The following FAM171B variants were observed in gnomAD, a reference collection of about 807,000 sequenced individuals.
The protein encoded by FAM171B is protein FAM171B.
In FAM171B, 19 loss-of-function variants were observed where a neutral mutation model predicts 75.6. The observed-to-expected ratio is 0.25, with a 90% CI of 0.18 to 0.37. The LOEUF (loss-of-function observed/expected upper bound fraction) is 0.37, where lower values mean the gene tolerates loss of function less well. Ranked by LOEUF, FAM171B falls within the 10% of genes least tolerant of loss-of-function variation. The probability of loss-of-function intolerance (pLI) is 1.00; values close to 1 mark genes in which losing one functional copy is unlikely to be tolerated. For synonymous variants in FAM171B, 367 were observed against 361.7 expected (o/e 1.01, Z -0.17); for missense variants, 848 against 982.4 (o/e 0.86, Z 1.83).
chr2:186,714,243 A>T (rs1689846560), intron 1 of FAM171B, among the ~76,000 whole-genome samples: 1 of 152,156 alleles, frequency 6.6e-6, no homozygotes, highest in Non-Finnish European at 1.5e-5. Flanking sequence ...GGATTGATTA[A>T]TATATTGATT....
chr2:186,762,752 C>T lies in FAM171B; in HGVS notation c.2410C>T (p.Leu804=). 2 of 1,613,336 alleles carry T rather than the reference C, an allele frequency of 1.2e-6. No individual in the cohort carries two copies. Among genetic ancestry groups the T allele is most frequent in the Non-Finnish European group, 1.7e-6 (2 of 1,179,602 alleles). The change falls in exon 8 of 8, where the codon CTA becomes TTA. Residue 804 remains leucine (L), a synonymous_variant. Transcript: ENST00000304698. This position sits in a 1 kb window ranked among gnomAD's most constrained non-coding sequence, Gnocchi z 4.0. ...CACTAAAAGAAGGGGCAGACCACCA[C>T]TAGCCAAAAGAGATAGCAAGACTAA... The part of the protein sequence containing the change: ...SPTKRRGRPP[L]AKRDSKTNIW...
intron 2 of FAM171B, among the ~76,000 whole-genome samples, chr2:186,741,835 TAAAATATTAAATAC>T (rs1690292494): frequency 6.6e-6 from 1 of 151,446 alleles, no homozygotes; most frequent in Non-Finnish European, 1.5e-5. Context: ...AAACGTATGT[TAAAATATTAAATAC>T]AGTGGACAGG....
intron 1 of FAM171B, among the ~76,000 whole-genome samples, chr2:186,735,153 TGCAGCTG>T (rs1478505845): frequency 6.6e-6 from 1 of 152,214 alleles, no homozygotes. Flanking sequence ...CCTCCCCTGC[TGCAGCTG>T]GCATCCTCAC....
chr2:186,748,222 C>T (rs1231072884), intron 4 of FAM171B, among the ~76,000 whole-genome samples: 1 of 152,128 alleles, frequency 6.6e-6, no homozygotes, highest in Non-Finnish European at 1.5e-5. Context: ...CTCGCCAGGC[C>T]TGTTCTACCA....
chr2:186,707,920 A>C (rs1015367872), intron 1 of FAM171B, among the ~76,000 whole-genome samples: 1 of 151,022 alleles, frequency 6.6e-6, no homozygotes, highest in Non-Finnish European at 1.5e-5. Flanking sequence ...GGCATCTCCT[A>C]CTTGTGAAAG....
At chr2:186,727,150 G>A (rs1418256226) in intron 1 of FAM171B, among the ~76,000 whole-genome samples, 1 of 151,996 alleles carries the variant, frequency 6.6e-6, no homozygotes. Flanking sequence ...TGGCTGAGTT[G>A]GAAATAATAG....
At position 186,761,957 on chromosome 2, in the gene FAM171B, A is replaced by G. The variant is rs1479334940; in HGVS notation, c.1615A>G (p.Ile539Val). The G allele has an allele frequency of 3.1e-6, 5 of 1,613,346 alleles. No individual in the cohort carries two copies. In the African/African-American group the frequency reaches 6.7e-5, roughly 22 times the overall value. ...GCTTATGCATATTTACAGCCAACCC[A>G]TTGCCATCCTTCAAACATCTGACCT... Reference protein sequence around the residue: ...EQLMHIYSQPIAILQTSDLFS... With the variant: ...EQLMHIYSQPVAILQTSDLFS... The change falls in exon 8 of 8, where the codon ATT becomes GTT. Residue 539 changes from isoleucine to valine, a missense_variant. By Grantham distance (29) the Ile-to-Val change is conservative. Coordinates refer to ENST00000304698, the MANE Select transcript of FAM171B (RefSeq NM_177454.4).
chr2:186,727,075 A>G (rs1312736581), intron 1 of FAM171B, among the ~76,000 whole-genome samples: 1 of 141,590 alleles, frequency 7.1e-6, no homozygotes, highest in Admixed American at 7.2e-5. Context: ...CTCTCCCCCC[A>G]CCCCCTTCAT....
At chr2:186,699,771 C>A (rs1054167222) in intron 1 of FAM171B, among the ~76,000 whole-genome samples, 3 of 152,086 alleles carry the variant, frequency 2.0e-5, no homozygotes, top group Non-Finnish European at 2.9e-5. Context: ...AGATTTAAAT[C>A]TTTAATCCAT....
chr2:186,695,861 C>CCAATAT (rs1479176852), intron 1 of FAM171B, among the ~76,000 whole-genome samples: 4 of 152,104 alleles, frequency 2.6e-5, no homozygotes, highest in Non-Finnish European at 1.5e-5. Flanking sequence ...GATTGATTGG[C>CCAATAT]CTCATTAATA....
At chr2:186,719,242 C>G (rs141190334) in intron 1 of FAM171B, among the ~76,000 whole-genome samples, 4 of 152,268 alleles carry the variant, frequency 2.6e-5, no homozygotes, top group Non-Finnish European at 5.9e-5. Context: ...GGTTTCAAAC[C>G]CTTTCTAAAA....
chr2:186,704,603 TGTTA>T (rs1238160245), intron 1 of FAM171B, among the ~76,000 whole-genome samples: 4 of 152,166 alleles, frequency 2.6e-5, no homozygotes, highest in Non-Finnish European at 4.4e-5. Context: ...CTCATAAAAC[TGTTA>T]GTTAAAGATA....
Position 186,762,295 on chromosome 2 carries a change from A to C in FAM171B, c.1953A>C (p.Gln651His). 1 of 1,613,748 alleles carries C rather than the reference A, an allele frequency of 6.2e-7. No individual in the cohort carries two copies. The highest frequency in any genetic ancestry group is 8.5e-7 in the Non-Finnish European group (1 of 1,179,804). Residue 651 changes from glutamine to histidine, a missense_variant, in exon 8 of 8, where the codon CAA becomes CAC. By Grantham distance (24) the Gln-to-His change is conservative. Transcript: ENST00000304698. This position sits in a 1 kb window ranked among gnomAD's most constrained non-coding sequence, Gnocchi z 4.0. ...VVMTPFSSEL[Q>H]GISEQTLLEL... is the part of the protein sequence containing the mutation. ...TGACTCCATTTTCATCGGAACTTCA[A>C]GGAATTTCAGAACAGACCCTCCTGG... is the stretch of plus-strand genomic sequence containing the variant.
At chr2:186,734,597 A>T (rs1264170591) in intron 1 of FAM171B, among the ~76,000 whole-genome samples, 2 of 152,056 alleles carry the variant, frequency 1.3e-5, no homozygotes, top group African/African-American at 4.8e-5. Flanking sequence ...CAGGGTTTTT[A>T]TGGGCTTCAG....
Position 186,694,320 on chromosome 2 carries a change from G to GCAGCAGCAGCAA in FAM171B, c.149_150insGCAGCAGCAACA (p.Gln53_Gln56dup). 3 of 1,570,028 alleles carry GCAGCAGCAGCAA rather than the reference G, an allele frequency of 1.9e-6. No homozygotes were observed. Among genetic ancestry groups the GCAGCAGCAGCAA allele is most frequent in the Admixed American group, 3.5e-5 (2 of 57,502 alleles). ...TCATCCAACAGCAGCAGCAGCAGCA[G>GCAGCAGCAGCAA]CAACAACAACAACAACAGCAAAAGC... On this transcript the variant is annotated inframe_insertion, in exon 1 of 8. Transcript: ENST00000304698.
rs1487969996 is a variant in FAM171B, at chr2:186,721,721, T to A, written c.239-18507T>A. ...TAAAGGCTACTAATTTATTTGTGTC[T>A]CTCTCAGTGCCTAGTACAGATCTTG... On this transcript the variant is annotated intron_variant, in intron 1 of 7. Transcript: ENST00000304698. 2.6e-5 allele frequency among the ~76,000 whole-genome samples: 4 copies of A among 152,290 alleles called. No homozygotes were observed. In the East Asian group the frequency reaches 5.8e-4, roughly 22 times the overall value.
chr2:186,709,569 A>G (rs1689782085), intron 1 of FAM171B, among the ~76,000 whole-genome samples: 1 of 152,162 alleles, frequency 6.6e-6, no homozygotes. Flanking sequence ...CCCTGCCACA[A>G]AAACAGTGGG....
chr2:186,723,830 G>A (rs954658149), intron 1 of FAM171B, among the ~76,000 whole-genome samples: 7 of 152,120 alleles, frequency 4.6e-5, no homozygotes, highest in Non-Finnish European at 1.0e-4. Flanking sequence ...TCACACATTT[G>A]CATCTCTCCT....
intron 1 of FAM171B, 31 bp downstream of exon 1, chr2:186,694,442 A>G (rs760343403): frequency 1.3e-6 from 2 of 1,593,348 alleles, no homozygotes; most frequent in Non-Finnish European, 1.7e-6. Context: ...CCGGTCTTTC[A>G]GTCTCGGCCG....
Sources: gnomAD v4.1 joint callset for allele counts (sites outside exome capture counted in the v4.1 genomes callset) on GRCh38, gnomAD v4.1.1 for gene constraint, Gnocchi (gnomAD v3.1) non-coding constraint, MANE v1.5 for transcripts, NCBI Gene and HGNC (gene_info 2026-07-23, HGNC 2026-07-21) for gene names.